Variants in PIK3C2G observed in about 807,000 individuals in gnomAD.
PIK3C2G encodes the protein phosphatidylinositol 3-kinase C2 domain-containing subunit gamma.
Under a neutral mutation model 181.1 loss-of-function variants are expected in PIK3C2G, and 168 were observed. That is an observed-to-expected ratio of 0.93 (90% CI 0.82 to 1.05). The LOEUF (loss-of-function observed/expected upper bound fraction) is 1.05. PIK3C2G is among the 50% of genes least tolerant of loss of function. PIK3C2G has a pLI of 0.00. For synonymous variants in PIK3C2G, 573 were observed against 592.2 expected, an observed-to-expected ratio of 0.97 and a Z score of 0.47; for missense variants, 1,869 against 1,732.8, an observed-to-expected ratio of 1.08 and a Z score of -1.40.
At chr12:18,665,808 A>G in the PIK3C2G span, among the ~76,000 whole-genome samples, 80,641 of 151,534 alleles carry the variant, frequency 0.53, 22,483 homozygotes, top group South Asian at 0.67. Flanking sequence ...AGTGGTGCGC[A>G]CCTGTAGTCC....
rs1417443919 is a variant in PIK3C2G at position 18,298,504 on chromosome 12, G to A, written c.1034+4489G>A. ...AATACTTTCTCCCATTCAACAGATT[G>A]TCTCTGTTGATTGTTTTGTTTGCTA... On this transcript the variant is annotated intron_variant, in intron 5 of 32. Transcript: ENST00000538779. Among the ~76,000 whole-genome samples, 6 of 149,232 alleles carry A rather than the reference G, an allele frequency of 4.0e-5. No homozygotes were observed. In the East Asian group the frequency reaches 1.2e-3, roughly 29 times the overall value.
At chr12:18,344,190 G>A (rs1312453214) in intron 10 of PIK3C2G, among the ~76,000 whole-genome samples, 10 of 152,100 alleles carry the variant, frequency 6.6e-5, no homozygotes, top group Admixed American at 6.6e-4. Flanking sequence ...CTGCCCCTCA[G>A]ATGTTCAACT....
At chr12:18,625,669 A>T (rs1490512087) in intron 31 of PIK3C2G, among the ~76,000 whole-genome samples, 1 of 151,732 alleles carries the variant, frequency 6.6e-6, no homozygotes, top group Non-Finnish European at 1.5e-5. Context: ...CCCTTCAGAA[A>T]CTTTAATATT....
intron 25 of PIK3C2G, among the ~76,000 whole-genome samples, chr12:18,545,277 C>A (rs1474913887): frequency 6.6e-6 from 1 of 151,792 alleles, no homozygotes; most frequent in African/African-American, 2.4e-5. Context: ...GCTTCCTGAG[C>A]CTGGGTGGGG....
rs142213912 is a variant in PIK3C2G, at chr12:18,312,470, T to C, written c.1035-1492T>C. Among the ~76,000 whole-genome samples the C allele has an allele frequency of 1.8e-3, 278 of 152,080 alleles. 1 individual carries two copies. Among genetic ancestry groups the C allele is most frequent in the African/African-American group, 6.3e-3 (261 of 41,484 alleles). On this transcript the variant is annotated intron_variant, in intron 5 of 32. Coordinates refer to ENST00000538779, the MANE Select transcript of PIK3C2G (RefSeq NM_001288772.2). Reference sequence around the variant, plus strand: ...CATAGCAGGAACAGGGAAACAGAGCTCTTAGCATGGAAAAAAGAGTTGAGT... The same window carrying C: ...CATAGCAGGAACAGGGAAACAGAGCCCTTAGCATGGAAAAAAGAGTTGAGT...
intron 16 of PIK3C2G, among the ~76,000 whole-genome samples, chr12:18,413,011 G>A (rs80256110): frequency 0.025 from 3,872 of 152,178 alleles, 143 homozygotes; most frequent in African/African-American, 0.084. Context: ...TCATGAAGTT[G>A]CTTTAATTAT....
chr12:18,545,337 C>T lies in PIK3C2G; in HGVS notation c.3481-986C>T, dbSNP rs200710392. ...TATACCATTCTTTTTCTCATTTGAA[C>T]TTCAGCAAGTTAATCACAATTTCAC... On this transcript the variant is annotated intron_variant, in intron 25 of 32. Transcript: ENST00000538779. Among the ~76,000 whole-genome samples the T allele has an allele frequency of 2.0e-5, 3 of 151,814 alleles. No homozygotes were observed. In the East Asian group the frequency reaches 5.8e-4, roughly 29 times the overall value.
intron 1 of PIK3C2G, among the ~76,000 whole-genome samples, chr12:18,278,559 T>C (rs955826177): frequency 6.6e-6 from 1 of 152,180 alleles, no homozygotes; most frequent in African/African-American, 2.4e-5. Flanking sequence ...TGGGAATATT[T>C]GAGGGGACAC....
At chr12:18,592,294 GC>G (rs1467922387) in intron 29 of PIK3C2G, among the ~76,000 whole-genome samples, 1 of 151,740 alleles carries the variant, frequency 6.6e-6, no homozygotes, top group African/African-American at 2.4e-5. Context: ...TAAATCACAA[GC>G]AAAAGGAAAA....
intron 9 of PIK3C2G, among the ~76,000 whole-genome samples, chr12:18,340,285 TAA>T (rs751018359): frequency 6.1e-5 from 9 of 146,852 alleles, no homozygotes; most frequent in African/African-American, 2.2e-4. Flanking sequence ...GCTGATAGGC[TAA>T]AAAAAAAAAA....
intron 18 of PIK3C2G, among the ~76,000 whole-genome samples, chr12:18,429,912 C>T (rs7303137): frequency 0.25 from 37,375 of 151,994 alleles, 4,919 homozygotes; most frequent in Admixed American, 0.35. Context: ...TCTGATTCCA[C>T]AGCCCCCTGG....
At chr12:18,405,483 G>A (rs1323008124) in intron 16 of PIK3C2G, among the ~76,000 whole-genome samples, 2 of 151,592 alleles carry the variant, frequency 1.3e-5, no homozygotes, top group African/African-American at 2.4e-5. Flanking sequence ...GCAGTGGTGC[G>A]ATCTCGGTTC....
chr12:18,312,670 G>A (rs1950689731), intron 5 of PIK3C2G, among the ~76,000 whole-genome samples: 1 of 152,072 alleles, frequency 6.6e-6, no homozygotes, highest in Admixed American at 6.6e-5. Flanking sequence ...AGCGAACAGT[G>A]TAAGAGCCCT....
chr12:18,720,596 T>C, the PIK3C2G span, among the ~76,000 whole-genome samples: 1 of 151,882 alleles, frequency 6.6e-6, no homozygotes, highest in Non-Finnish European at 1.5e-5. Context: ...GGATCTACCC[T>C]TATATATTCA....
intron 16 of PIK3C2G, among the ~76,000 whole-genome samples, chr12:18,403,729 G>A (rs59339398): frequency 0.087 from 13,300 of 152,106 alleles, 935 homozygotes; most frequent in Admixed American, 0.24. Flanking sequence ...GCCATACAGT[G>A]TTAATATTTC....
At chr12:18,442,785 G>A (rs1462825503) in intron 18 of PIK3C2G, among the ~76,000 whole-genome samples, 1 of 151,990 alleles carries the variant, frequency 6.6e-6, no homozygotes, top group African/African-American at 2.4e-5. Context: ...AGAAAATTAT[G>A]CATCTTTTTA....
At chr12:18,696,140 T>C in the PIK3C2G span, 4 of 1,324,862 alleles carry the variant, frequency 3.0e-6, no homozygotes, top group African/African-American at 1.5e-5. Context: ...CAATATCGTA[T>C]ATAACATACC....
chr12:18,619,267 T>A (rs1022680870), intron 31 of PIK3C2G, among the ~76,000 whole-genome samples: 3 of 151,918 alleles, frequency 2.0e-5, no homozygotes, highest in Admixed American at 2.0e-4. Flanking sequence ...CTTTAAAATG[T>A]CGGCAAAAAT....
At chr12:18,546,736 C>G (rs1286555799) in intron 26 of PIK3C2G, among the ~76,000 whole-genome samples, 2 of 151,994 alleles carry the variant, frequency 1.3e-5, no homozygotes, top group African/African-American at 4.8e-5. Context: ...TCTACTTGAA[C>G]TATGTCCAGA....
Sources: allele counts gnomAD v4.1 joint callset (sites outside exome capture counted in the v4.1 genomes callset), GRCh38; gene constraint gnomAD v4.1.1; transcripts MANE v1.5; gene names NCBI Gene and HGNC (gene_info 2026-07-23, HGNC 2026-07-21).